The following SATB2 variants were observed in gnomAD, a reference collection of about 807,000 sequenced individuals.
The protein encoded by SATB2 is DNA-binding protein SATB2.
SATB2 carries 1 observed loss-of-function variant against 73.4 expected under a neutral mutation model. The observed-to-expected ratio is 0.01, with a 90% CI of 0.00 to 0.06. SATB2 has a LOEUF of 0.06. Ranked by LOEUF, SATB2 falls within the 10% of genes least tolerant of loss-of-function variation. The pLI is 1.00. For missense variants in SATB2, 459 were observed against 945.8 expected (o/e 0.49, Z 6.75); for synonymous variants, 397 against 367.0 (o/e 1.08, Z -0.93).
At position 199,455,777 on chromosome 2, in the gene SATB2, C is replaced by T; in HGVS notation, c.169+92G>A. On this transcript the variant is annotated intron_variant, in intron 2 of 10. Coordinates refer to ENST00000417098, the MANE Select transcript of SATB2 (RefSeq NM_001172509.2). This position sits in a 1 kb window ranked among gnomAD's most constrained non-coding sequence, Gnocchi z 4.1. ...CTGGAATTCACTTCCTGTAATCCTA[C>T]ACCGCGACAGCGCCTAATCAACCTG... The T allele has an allele frequency of 2.1e-6, 3 of 1,412,922 alleles. No individual in the cohort carries two copies. Among genetic ancestry groups the T allele is most frequent in the Non-Finnish European group, 2.9e-6 (3 of 1,037,170 alleles). The allele number at this position is 1,412,922 out of a possible 1,614,324, so 87.5% of individuals were successfully genotyped here.
intron 9 of SATB2, among the ~76,000 whole-genome samples, chr2:199,316,015 T>C (rs534499314): frequency 6.6e-6 from 1 of 152,208 alleles, no homozygotes; most frequent in East Asian, 1.9e-4. Flanking sequence ...ACATCTTCAA[T>C]ACAGAAAATG....
intron 3 of SATB2, 64 bp downstream of exon 3, chr2:199,433,274 A>T: frequency 6.6e-7 from 1 of 1,512,116 alleles, no homozygotes; most frequent in East Asian, 2.3e-5. Context: ...ATTTCAGAAA[A>T]CATATTCTTC....
chr2:199,401,034 T>A (rs1013206740), intron 3 of SATB2, among the ~76,000 whole-genome samples: 15 of 152,180 alleles, frequency 9.9e-5, no homozygotes, highest in Admixed American at 7.8e-4. Flanking sequence ...CAAAATACCA[T>A]ATATATCTTT....
chr2:199,451,917 T>C (rs1692135235), intron 2 of SATB2, among the ~76,000 whole-genome samples: 1 of 152,138 alleles, frequency 6.6e-6, no homozygotes, highest in African/African-American at 2.4e-5. Flanking sequence ...GTAGCACGAA[T>C]AGGTCTACTT....
At chr2:199,410,539 C>CA (rs1000315754) in intron 3 of SATB2, among the ~76,000 whole-genome samples, 1 of 152,184 alleles carries the variant, frequency 6.6e-6, no homozygotes, top group Non-Finnish European at 1.5e-5. Context: ...TGCTTCTTCG[C>CA]AAAAAATTGA....
chr2:199,363,458 G>A (rs1689196229), intron 6 of SATB2, among the ~76,000 whole-genome samples: 1 of 152,204 alleles, frequency 6.6e-6, no homozygotes, highest in Non-Finnish European at 1.5e-5. Flanking sequence ...ATTCATAGAA[G>A]TAGAGAGTAG....
intron 10 of SATB2, among the ~76,000 whole-genome samples, chr2:199,296,445 C>T (rs1687097244): frequency 6.6e-6 from 1 of 152,122 alleles, no homozygotes; most frequent in Non-Finnish European, 1.5e-5. Flanking sequence ...AATCCCAGCA[C>T]TTTGGGAGGC....
intron 2 of SATB2, among the ~76,000 whole-genome samples, chr2:199,445,990 A>G (rs1291195718): frequency 1.3e-5 from 2 of 152,212 alleles, no homozygotes; most frequent in African/African-American, 4.8e-5. Context: ...CAACTTTAAC[A>G]TAGTATTAAT....
At position 199,398,223 on chromosome 2, in the gene SATB2, A is replaced by G. The variant is rs1208558205; in HGVS notation, c.347-16403T>C. Among the ~76,000 whole-genome samples, 6 of 152,332 alleles carry G rather than the reference A, an allele frequency of 3.9e-5. No individual in the cohort carries two copies. The Middle Eastern group carries it at 0.017, about 432-fold the overall frequency. ...AACTGCTGAATAACCTGGGCCACACAGGAACGAAAGACTACTGCAGTAGAA... is the reference window on the plus strand; with the variant it reads ...AACTGCTGAATAACCTGGGCCACACGGGAACGAAAGACTACTGCAGTAGAA... On this transcript the variant is annotated intron_variant, in intron 3 of 10. Coordinates refer to ENST00000417098, the MANE Select transcript of SATB2 (RefSeq NM_001172509.2).
intron 2 of SATB2, among the ~76,000 whole-genome samples, chr2:199,442,071 C>T (rs1176684493): frequency 1.3e-5 from 2 of 152,174 alleles, no homozygotes; most frequent in Non-Finnish European, 2.9e-5. Flanking sequence ...ACTTAGCTGC[C>T]TCATGCCCCT....
intron 8 of SATB2, among the ~76,000 whole-genome samples, chr2:199,325,064 T>C (rs1687993839): frequency 6.6e-6 from 1 of 152,170 alleles, no homozygotes; most frequent in Non-Finnish European, 1.5e-5. Flanking sequence ...AAATGGTGTC[T>C]AGCGGCAGAA....
At chr2:199,328,183 T>C (rs1688083596) in intron 8 of SATB2, among the ~76,000 whole-genome samples, 1 of 152,112 alleles carries the variant, frequency 6.6e-6, no homozygotes, top group Non-Finnish European at 1.5e-5. Flanking sequence ...GACAGAAATA[T>C]AGTATGGGAT....
upstream of SATB2, chr2:199,468,048 C>G (rs1692626469): frequency 6.6e-6 from 1 of 151,834 alleles, no homozygotes. Flanking sequence ...TTCTTTCTTT[C>G]TTTTTCTTTC....
At chr2:199,316,717 A>G (rs570776544) in intron 9 of SATB2, among the ~76,000 whole-genome samples, 1 of 152,192 alleles carries the variant, frequency 6.6e-6, no homozygotes, top group East Asian at 1.9e-4. Flanking sequence ...TCCTTAGCAT[A>G]CACGGAATAT....
chr2:199,298,117 AT>A (rs1347245627), intron 10 of SATB2, among the ~76,000 whole-genome samples: 2 of 152,222 alleles, frequency 1.3e-5, no homozygotes, highest in Non-Finnish European at 2.9e-5. Context: ...AGTAAGAATT[AT>A]CCCCTTTATC....
intron 3 of SATB2, among the ~76,000 whole-genome samples, chr2:199,386,759 CA>C (rs1213083938): frequency 3.4e-5 from 4 of 116,656 alleles, no homozygotes; most frequent in African/African-American, 1.2e-4. Flanking sequence ...CACACACACA[CA>C]CACACACCTT....
intron 10 of SATB2, among the ~76,000 whole-genome samples, chr2:199,296,474 T>C (rs985758005): frequency 3.9e-5 from 6 of 152,116 alleles, no homozygotes; most frequent in Admixed American, 3.9e-4. Flanking sequence ...GTAGACTGCT[T>C]GAGTCCAGGA....
Position 199,297,285 on chromosome 2 carries a change from T to C in SATB2, c.1740+11475A>G, listed in dbSNP as rs897914704. ...CAAATGTTTTACTTTTTTGTTTTTG[T>C]TTGGTTTGAGTAAATTAGAGCTCAT... is the stretch of plus-strand genomic sequence containing the variant. On this transcript the variant is annotated intron_variant, in intron 10 of 10. Transcript: ENST00000417098. Among the ~76,000 whole-genome samples, 6 of 152,350 alleles carry C rather than the reference T, an allele frequency of 3.9e-5. No individual in the cohort carries two copies. The South Asian group carries it at 1.0e-3, about 26-fold the overall frequency.
At chr2:199,390,724 C>CATA in intron 3 of SATB2, among the ~76,000 whole-genome samples, 1 of 152,190 alleles carries the variant, frequency 6.6e-6, no homozygotes, top group South Asian at 2.1e-4. Context: ...TTCACATCCT[C>CATA]ATTAATTATG....
Sources: gnomAD v4.1 joint callset for allele counts (sites outside exome capture counted in the v4.1 genomes callset) on GRCh38, gnomAD v4.1.1 for gene constraint, Gnocchi (gnomAD v3.1) non-coding constraint, MANE v1.5 for transcripts, NCBI Gene and HGNC (gene_info 2026-07-23, HGNC 2026-07-21) for gene names.